The following TOM1L2 variants were observed in gnomAD, a reference collection of about 807,000 sequenced individuals.
TOM1L2 encodes the protein target of myb1 like 2 membrane trafficking protein.
Under a neutral mutation model 67.9 loss-of-function variants are expected in TOM1L2, and 31 were observed. That is an observed-to-expected ratio of 0.46 (90% confidence interval 0.34 to 0.62). The LOEUF is 0.62. Among genes scored for constraint, TOM1L2 ranks in the 20% least tolerant of loss-of-function variants. TOM1L2 has a pLI of 0.01. For synonymous variants in TOM1L2, 256 were observed against 254.0 expected, an observed-to-expected ratio of 1.01 and a Z score of -0.07; for missense variants, 606 against 663.5, an observed-to-expected ratio of 0.91 and a Z score of 0.95.
intron 12 of TOM1L2, chr17:17,857,940 T>C: frequency 8.0e-7 from 1 of 1,255,248 alleles, no homozygotes; most frequent in Non-Finnish European, 1.1e-6. Context: ...TCTTCAGACG[T>C]GATCCTTTGC....
chr17:17,878,532 G>T (rs933198160), intron 7 of TOM1L2, among the ~76,000 whole-genome samples: 2 of 152,198 alleles, frequency 1.3e-5, no homozygotes, highest in Non-Finnish European at 2.9e-5. Context: ...GAGTAGGAAG[G>T]GGGCACAATA....
Position 17,869,344 on chromosome 17 carries a change from C to G in TOM1L2, c.907G>C (p.Glu303Gln), listed in dbSNP as rs547369838. Residue 303 changes from glutamate to glutamine, a missense_variant, in exon 8 of 15, where the codon GAG becomes CAG. Around this residue, in one of 2 missense-constraint regions of TOM1L2, gnomAD observed 543 missense variants for 554.0 expected, o/e 0.98. Transcript: ENST00000379504. ...DDLNNVFLRY[E>Q]RFERYRSGRS... ...AAAAAGAAATCCGGCTCCCACCTCT[C>G]GTATCGAAGGAAGACGTTGTTGAGG... The G allele has an allele frequency of 9.3e-6, 15 of 1,611,132 alleles. No individual in the cohort carries two copies. The Admixed American group carries it at 1.2e-4, about 13-fold the overall frequency.
intron 1 of TOM1L2, among the ~76,000 whole-genome samples, chr17:17,952,371 A>C (rs1168974343): frequency 1.6e-4 from 5 of 31,136 alleles, no homozygotes; most frequent in East Asian, 2.1e-3. Flanking sequence ...GTGCTTCTTT[A>C]TTTTCTTTTT....
chr17:17,938,120 G>C (rs1362175788), intron 1 of TOM1L2, among the ~76,000 whole-genome samples: 1 of 152,214 alleles, frequency 6.6e-6, no homozygotes, highest in Non-Finnish European at 1.5e-5. Flanking sequence ...GGTGCAATGG[G>C]AAGAGGAGAG....
chr17:17,949,591 AG>A (rs2041100050), intron 1 of TOM1L2, among the ~76,000 whole-genome samples: 1 of 152,256 alleles, frequency 6.6e-6, no homozygotes, highest in Non-Finnish European at 1.5e-5. Context: ...GACATATCTC[AG>A]TAAGTGTGGC....
chr17:17,849,914 T>C (rs767454634), intron 13 of TOM1L2, among the ~76,000 whole-genome samples: 10 of 152,182 alleles, frequency 6.6e-5, no homozygotes, highest in Non-Finnish European at 1.3e-4. Flanking sequence ...CTGCCTTCTT[T>C]GGCAAGGCAT....
At chr17:17,887,135 C>T (rs926210999) in intron 4 of TOM1L2, among the ~76,000 whole-genome samples, 15 of 152,262 alleles carry the variant, frequency 9.9e-5, no homozygotes, top group Admixed American at 1.3e-4. Context: ...CCTGTCATGA[C>T]AAACTCTTCT....
intron 7 of TOM1L2, 163 bp from the exon 8 acceptor site, chr17:17,869,636 A>G: frequency 7.1e-7 from 1 of 1,399,180 alleles, no homozygotes; most frequent in Non-Finnish European, 9.3e-7. Context: ...TTCCCTCTTC[A>G]CTGCCTGCCC....
At chr17:17,930,621 A>T (rs2040291838) in intron 1 of TOM1L2, among the ~76,000 whole-genome samples, 1 of 152,212 alleles carries the variant, frequency 6.6e-6, no homozygotes, top group South Asian at 2.1e-4. Flanking sequence ...CCAGCCCTTT[A>T]TTAACTTTCC....
At chr17:17,918,907 A>C (rs2039740512) in intron 1 of TOM1L2, among the ~76,000 whole-genome samples, 1 of 152,204 alleles carries the variant, frequency 6.6e-6, no homozygotes. Context: ...TATGCTGATG[A>C]GGGCCCTTTA....
At chr17:17,906,753 G>T (rs922960928) in intron 2 of TOM1L2, among the ~76,000 whole-genome samples, 4 of 152,244 alleles carry the variant, frequency 2.6e-5, no homozygotes, top group Non-Finnish European at 4.4e-5. Flanking sequence ...TGAGATGCCA[G>T]CCCAGGGATG....
At chr17:17,945,100 C>T (rs1422781387) in intron 1 of TOM1L2, among the ~76,000 whole-genome samples, 1 of 152,078 alleles carries the variant, frequency 6.6e-6, no homozygotes, top group South Asian at 2.1e-4. Flanking sequence ...TTGCAAATAC[C>T]AAAGGGTGGA....
intron 8 of TOM1L2, 198 bp downstream of exon 8, chr17:17,869,142 G>T: frequency 9.9e-7 from 1 of 1,007,614 alleles, no homozygotes; most frequent in Non-Finnish European, 1.4e-6. Flanking sequence ...ACTTCCTGCT[G>T]CTTCTGCTGC....
At chr17:17,908,497 T>C (rs183239600) in intron 1 of TOM1L2, among the ~76,000 whole-genome samples, 1 of 152,164 alleles carries the variant, frequency 6.6e-6, no homozygotes, top group East Asian at 1.9e-4. Flanking sequence ...CACAACACAG[T>C]GAACCTGCAG....
intron 1 of TOM1L2, among the ~76,000 whole-genome samples, 171 bp downstream of exon 1, chr17:17,972,091 G>A (rs1023630996): frequency 6.6e-6 from 1 of 152,006 alleles, no homozygotes; most frequent in Admixed American, 6.5e-5. Context: ...CAAGCGCCCG[G>A]CAAAGGCCCG....
intron 3 of TOM1L2, among the ~76,000 whole-genome samples, chr17:17,894,391 A>G (rs1290936240): frequency 2.0e-5 from 3 of 152,238 alleles, no homozygotes; most frequent in East Asian, 1.9e-4. Flanking sequence ...TTTAATGTCC[A>G]TGTTCAATTC....
At chr17:17,945,559 G>A (rs2040909950) in intron 1 of TOM1L2, among the ~76,000 whole-genome samples, 1 of 152,106 alleles carries the variant, frequency 6.6e-6, no homozygotes, top group South Asian at 2.1e-4. Context: ...CATTACATAG[G>A]ATGAAACTTC....
intron 1 of TOM1L2, among the ~76,000 whole-genome samples, chr17:17,908,589 CA>C (rs1046569551): frequency 1.8e-4 from 27 of 151,992 alleles, no homozygotes; most frequent in Non-Finnish European, 3.4e-4. Context: ...AGCTTAATAA[CA>C]AAAAAACCCA....
intron 1 of TOM1L2, among the ~76,000 whole-genome samples, chr17:17,916,854 C>T (rs944002808): frequency 6.6e-6 from 1 of 151,984 alleles, no homozygotes; most frequent in Non-Finnish European, 1.5e-5. Context: ...GAAACCCTGT[C>T]TCTACTAAAA....
Sources: allele counts gnomAD v4.1 joint callset (sites outside exome capture counted in the v4.1 genomes callset), GRCh38; gene constraint gnomAD v4.1.1; regional missense constraint gnomAD v4.1.1; transcripts MANE v1.5; gene names NCBI Gene and HGNC (gene_info 2026-07-23, HGNC 2026-07-21).